Variants in ELOVL7 observed in about 807,000 individuals in gnomAD.
ELOVL7 encodes very long chain fatty acid elongase 7.
Under a neutral mutation model 35.7 loss-of-function variants are expected in ELOVL7, and 27 were observed. The ratio of observed to expected loss-of-function variants is 0.76; its 90% CI spans 0.56 to 1.04. The LOEUF is 1.04. ELOVL7 is among the 50% of genes least tolerant of loss of function. ELOVL7 has a pLI of 0.00. For missense variants in ELOVL7, 327 were observed against 340.8 expected, an observed-to-expected ratio of 0.96 and a Z score of 0.32; for synonymous variants, 113 against 114.6, an observed-to-expected ratio of 0.99 and a Z score of 0.09.
rs753924328 is a variant in ELOVL7, at chr5:60,757,614, A to G, written c.531T>C (p.Asn177=). 6.2e-7 allele frequency: 1 copy of G among 1,608,396 alleles called. No homozygotes were observed. The highest frequency in any genetic ancestry group is 8.5e-7 in the Non-Finnish European group (1 of 1,176,102). Reference sequence around the variant, plus strand: ...AATACATGACTACATGTACAGCTGTATTTAGAAGGGCATGGAATGTTCCCA... The same window carrying G: ...AATACATGACTACATGTACAGCTGTGTTTAGAAGGGCATGGAATGTTCCCA... ...GGLGTFHALL[N]TAVHVVMYSY... The change falls in exon 8 of 9, where the codon AAT becomes AAC. Residue 177 remains asparagine, a synonymous_variant. Transcript: ENST00000508821.
At chr5:60,842,496 T>A (rs1440905751) in intron 1 of ELOVL7, among the ~76,000 whole-genome samples, 3 of 140,018 alleles carry the variant, frequency 2.1e-5, no homozygotes, top group Non-Finnish European at 3.1e-5. Context: ...CTATTTTTCT[T>A]AAAAAAAAAA....
intron 8 of ELOVL7, among the ~76,000 whole-genome samples, chr5:60,756,753 T>C (rs1239969897): frequency 6.6e-6 from 1 of 152,142 alleles, no homozygotes; most frequent in Non-Finnish European, 1.5e-5. Context: ...AAATTCATAC[T>C]TTCTCATTGG....
intron 1 of ELOVL7, among the ~76,000 whole-genome samples, chr5:60,826,413 C>A (rs1259079766): frequency 2.0e-5 from 3 of 151,916 alleles, no homozygotes; most frequent in African/African-American, 7.3e-5. Flanking sequence ...AGATTTCAAT[C>A]ATCTTATAAC....
intron 6 of ELOVL7, among the ~76,000 whole-genome samples, chr5:60,764,687 G>A (rs891719761): frequency 2.0e-5 from 3 of 152,108 alleles, no homozygotes; most frequent in Non-Finnish European, 4.4e-5. Flanking sequence ...TGGGAAAGCA[G>A]AAGACTTATG....
intron 1 of ELOVL7, among the ~76,000 whole-genome samples, chr5:60,803,318 G>A (rs1744750591): frequency 6.6e-6 from 1 of 152,202 alleles, no homozygotes; most frequent in Non-Finnish European, 1.5e-5. Context: ...AAGAAGGAAG[G>A]TTGAGAGACA....
intron 2 of ELOVL7, among the ~76,000 whole-genome samples, chr5:60,789,306 T>C (rs192267884): frequency 6.6e-6 from 1 of 152,282 alleles, no homozygotes; most frequent in Non-Finnish European, 1.5e-5. Flanking sequence ...CAATAGGAAA[T>C]GGGCAAAGTT....
intron 1 of ELOVL7, among the ~76,000 whole-genome samples, chr5:60,832,506 C>T (rs184190767): frequency 6.6e-6 from 1 of 152,272 alleles, no homozygotes; most frequent in East Asian, 1.9e-4. Context: ...GCTGGGACTA[C>T]AGGCACCCAC....
chr5:60,766,127 T>C (rs1407453031), intron 6 of ELOVL7, among the ~76,000 whole-genome samples: 1 of 152,178 alleles, frequency 6.6e-6, no homozygotes, highest in East Asian at 1.9e-4. Context: ...TAATGCAACA[T>C]TCTCGTGAAA....
intron 1 of ELOVL7, among the ~76,000 whole-genome samples, chr5:60,805,361 A>C (rs1744863020): frequency 6.6e-6 from 1 of 152,210 alleles, no homozygotes; most frequent in African/African-American, 2.4e-5. Context: ...ATACAGGGCT[A>C]AGGATGGAAA....
intron 1 of ELOVL7, among the ~76,000 whole-genome samples, chr5:60,805,471 T>G (rs1184783015): frequency 6.6e-6 from 1 of 152,176 alleles, no homozygotes; most frequent in African/African-American, 2.4e-5. Flanking sequence ...TTAGAGTTAG[T>G]TCTGTTGACC....
Position 60,809,083 on chromosome 5 carries a change from T to C in ELOVL7, c.-85-9853A>G, listed in dbSNP as rs547781067. On this transcript the variant is annotated intron_variant, in intron 1 of 8. Transcript: ENST00000508821. The stretch of plus-strand genomic sequence containing the variant: ...TAAGAGACTGGTAAAATGTTGACAA[T>C]TTTTGAGAATGGTTGATGATAGTAC... Among the ~76,000 whole-genome samples the C allele has an allele frequency of 3.1e-4, 47 of 152,300 alleles. 1 individual carries two copies. Among genetic ancestry groups the C allele is most frequent in the African/African-American group, 1.1e-3 (45 of 41,566 alleles).
rs188407935 is a variant in ELOVL7, at chr5:60,784,108, G to T, written c.64+3226C>A. 1.6e-4 allele frequency: 237 copies of T among 1,471,976 alleles called. No homozygotes were observed. In the African/African-American group the frequency reaches 2.9e-3, roughly 18 times the overall value. The allele number at this position is 1,471,976 out of a possible 1,614,324, so 91.2% of individuals were successfully genotyped here. Reference sequence around the variant, plus strand: ...ATGCCACATACATAGAATATTAATGGGCTTTTCCATCAGCTGCTTCTAAGA... The same window carrying T: ...ATGCCACATACATAGAATATTAATGTGCTTTTCCATCAGCTGCTTCTAAGA... On this transcript the variant is annotated intron_variant, in intron 3 of 8. Coordinates refer to ENST00000508821, the MANE Select transcript of ELOVL7 (RefSeq NM_024930.3).
At chr5:60,782,021 C>T (rs1191440067) in intron 3 of ELOVL7, among the ~76,000 whole-genome samples, 1 of 152,166 alleles carries the variant, frequency 6.6e-6, no homozygotes, top group Admixed American at 6.5e-5. Flanking sequence ...TTGCAAAAAA[C>T]AACCTTGGTC....
At chr5:60,759,917 C>A (rs941290133) in intron 7 of ELOVL7, among the ~76,000 whole-genome samples, 1 of 152,064 alleles carries the variant, frequency 6.6e-6, no homozygotes, top group Non-Finnish European at 1.5e-5. Context: ...CAATAGTTTA[C>A]TGAGAATGAT....
chr5:60,785,813 G>A (rs1307545846), intron 3 of ELOVL7: 1 of 152,148 alleles, frequency 6.6e-6, no homozygotes, highest in East Asian at 1.9e-4. Flanking sequence ...CTCTCTCTAT[G>A]AGATACTTAC....
intron 1 of ELOVL7, among the ~76,000 whole-genome samples, chr5:60,821,021 T>G (rs188047953): frequency 2.0e-5 from 3 of 152,186 alleles, no homozygotes; most frequent in East Asian, 1.9e-4. Context: ...CTCGGTAAAT[T>G]TGAGTAATAA....
At chr5:60,792,934 C>T (rs1279752812) in intron 2 of ELOVL7, among the ~76,000 whole-genome samples, 3 of 152,194 alleles carry the variant, frequency 2.0e-5, no homozygotes, top group African/African-American at 4.8e-5. Flanking sequence ...TGATGCATCC[C>T]TGCCTCATCC....
chr5:60,769,553 C>T (rs1411247957), intron 4 of ELOVL7, among the ~76,000 whole-genome samples: 2 of 152,208 alleles, frequency 1.3e-5, no homozygotes, highest in African/African-American at 4.8e-5. Context: ...TTTGGCCTAA[C>T]ATCATTGGTA....
chr5:60,759,189 T>C (rs774387748), intron 7 of ELOVL7, among the ~76,000 whole-genome samples: 1 of 152,228 alleles, frequency 6.6e-6, no homozygotes, highest in Non-Finnish European at 1.5e-5. Flanking sequence ...ATTTATGCTA[T>C]ACTGTTCTAC....
Sources: allele counts gnomAD v4.1 joint callset (sites outside exome capture counted in the v4.1 genomes callset), GRCh38; gene constraint gnomAD v4.1.1; transcripts MANE v1.5; gene names NCBI Gene and HGNC (gene_info 2026-07-23, HGNC 2026-07-21).